The following MAPK3 variants were observed in gnomAD, a reference collection of about 807,000 sequenced individuals.
MAPK3 encodes mitogen-activated protein kinase 3.
Under a neutral mutation model 41.8 loss-of-function variants are expected in MAPK3, and 30 were observed. That is an observed-to-expected ratio of 0.72 (90% confidence interval 0.54 to 0.97). The LOEUF is 0.97. Ranked by LOEUF, MAPK3 falls within the 50% of genes least tolerant of loss-of-function variation. The probability of loss-of-function intolerance (pLI) is 0.00; values close to 1 mark genes in which losing one functional copy is unlikely to be tolerated. For missense variants in MAPK3, 413 were observed against 509.9 expected, an observed-to-expected ratio of 0.81 and a Z score of 1.83; for synonymous variants, 222 against 213.4, an observed-to-expected ratio of 1.04 and a Z score of -0.35.
chr16:30,121,801 C>T (rs763746741), intron 2 of MAPK3, 23 bp downstream of exon 2: 9 of 1,607,322 alleles, frequency 5.6e-6, no homozygotes, highest in East Asian at 4.5e-5. Context: ...CCTGACCAGC[C>T]GACTGGCCAA....
At chr16:30,121,077 A>C (rs1225140541) in intron 2 of MAPK3, among the ~76,000 whole-genome samples, 1 of 151,400 alleles carries the variant, frequency 6.6e-6, no homozygotes, top group Non-Finnish European at 1.5e-5. Context: ...ATAGTACCTG[A>C]CACACAGCAG....
intron 1 of MAPK3, 35 bp downstream of exon 1, chr16:30,123,005 C>A: frequency 6.9e-7 from 1 of 1,451,102 alleles, no homozygotes; most frequent in Non-Finnish European, 9.1e-7. Flanking sequence ...GCCCCCTCCC[C>A]TGAGGGCACC....
chr16:30,115,271 C>T (rs756015324), intron 8 of MAPK3, among the ~76,000 whole-genome samples: 1 of 152,148 alleles, frequency 6.6e-6, no homozygotes, highest in Non-Finnish European at 1.5e-5. Context: ...GAAACTGAGG[C>T]GCCGAGAGGT....
Position 30,121,912 on chromosome 16 carries a change from T to A in MAPK3, c.265A>T (p.Ile89Phe). The A allele has an allele frequency of 1.2e-6, 2 of 1,614,094 alleles. No homozygotes were observed. Among genetic ancestry groups the A allele is most frequent in the Non-Finnish European group, 1.7e-6 (2 of 1,180,024 alleles). Residue 89 changes from isoleucine (I) to phenylalanine (F), a missense_variant, in exon 2 of 9, where the codon ATC (isoleucine) becomes TTC (phenylalanine). Physicochemically the swap from Ile to Phe is conservative, Grantham distance 21 (BLOSUM62 0). Coordinates refer to ENST00000263025, the MANE Select transcript of MAPK3 (RefSeq NM_002746.3). ...QTYCQRTLRE[I>F]QILLRFRHEN... is the part of the protein sequence containing the mutation. ...TGGCGGAAGCGCAGCAGGATCTGGATCTCCCGGAGCGTGCGCTGGCAGTAG... is the reference window on the plus strand; with the variant it reads ...TGGCGGAAGCGCAGCAGGATCTGGAACTCCCGGAGCGTGCGCTGGCAGTAG...
At chr16:30,117,393 C>A (rs1172211323) in intron 5 of MAPK3, 108 bp from the exon 6 acceptor site, 12 of 1,087,628 alleles carry the variant, frequency 1.1e-5, no homozygotes, top group African/African-American at 1.6e-5. Context: ...CATGCCAATC[C>A]CTCAGTCACC....
chr16:30,118,132 T>C lies in MAPK3; in HGVS notation c.575A>G (p.Asp192Gly). Residue 192 changes from aspartate (D) to glycine (G), a missense_variant, in exon 4 of 9, where the codon GAT (aspartate) becomes GGT (glycine). Asp to Gly is a moderately conservative substitution (Grantham distance 94). This residue lies in a region of MAPK3 where 140 missense variants were observed against 206.0 expected (regional missense o/e 0.68). Coordinates refer to ENST00000263025, the MANE Select transcript of MAPK3 (RefSeq NM_002746.3). ...ICDFGLARIA[D>G]PEHDHTGFLT... ...GAAGCCGGTGTGGTCATGCTCAGGA[T>C]CGGCAATCCGGGCCAGGCCGAAATC... The C allele has an allele frequency of 6.2e-7, 1 of 1,614,096 alleles. No individual in the cohort carries two copies. Among genetic ancestry groups the C allele is most frequent in the Non-Finnish European group, 8.5e-7 (1 of 1,180,034 alleles).
Position 30,123,158 on chromosome 16 carries a change from C to T in MAPK3, c.52G>A (p.Glu18Lys). The part of the protein sequence containing the change: ...GGGGGEPRRT[E>K]GVGPGVPGEV... Reference sequence around the variant, plus strand: ...CCCGGGACCCCCGGGCCGACCCCCTCGGTTCTACGGGGCTCCCCGCCCCCG... The same window carrying T: ...CCCGGGACCCCCGGGCCGACCCCCTTGGTTCTACGGGGCTCCCCGCCCCCG... The change falls in exon 1 of 9, where the codon GAG (glutamate) becomes AAG (lysine). Residue 18 changes from glutamate (E) to lysine (K), a missense_variant. Glu to Lys is a moderately conservative substitution (Grantham distance 56). This residue lies in a region of MAPK3 where 145 missense variants were observed against 133.0 expected (regional missense o/e 1.09). Coordinates refer to ENST00000263025, the MANE Select transcript of MAPK3 (RefSeq NM_002746.3). The T allele has an allele frequency of 6.7e-7, 1 of 1,487,972 alleles. No homozygotes were observed. Among genetic ancestry groups the T allele is most frequent in the East Asian group, 2.8e-5 (1 of 36,326 alleles). The allele number at this position is 1,487,972 out of a possible 1,614,324, so 92.2% of individuals were successfully genotyped here.
chr16:30,122,945 G>A (rs1033144641), intron 1 of MAPK3, 95 bp downstream of exon 1: 348 of 1,130,066 alleles, frequency 3.1e-4, no homozygotes, highest in Non-Finnish European at 4.0e-4. Context: ...GACGCTCCGC[G>A]TCTCCACGTC....
rs760143841 is a variant in MAPK3, at chr16:30,117,985, GGT to G, written c.660+60_660+61del. ...CATGGGGGTCAGTGTCTGGCTCAGAGGTAGCTCCAGGGCTTCCTGGGAACTGG... is the reference window on the plus strand; with the variant it reads ...CATGGGGGTCAGTGTCTGGCTCAGAGAGCTCCAGGGCTTCCTGGGAACTGG... On this transcript the variant is annotated intron_variant, in intron 4 of 8. Coordinates refer to ENST00000263025, the MANE Select transcript of MAPK3 (RefSeq NM_002746.3). The G allele has an allele frequency of 7.5e-6, 11 of 1,457,296 alleles. No individual in the cohort carries two copies. In the African/African-American group the frequency reaches 1.5e-4, roughly 20 times the overall value. 90.3% of individuals were successfully genotyped at this position (1,457,296 alleles called of 1,614,324 possible).
At chr16:30,115,232 CA>C (rs934591605) in intron 8 of MAPK3, among the ~76,000 whole-genome samples, 2 of 150,592 alleles carry the variant, frequency 1.3e-5, no homozygotes, top group Non-Finnish European at 3.0e-5. Flanking sequence ...AAAACAAAAC[CA>C]AAAAAAAAGA....
intron 8 of MAPK3, among the ~76,000 whole-genome samples, chr16:30,115,048 G>A (rs2072941366): frequency 6.9e-6 from 1 of 145,948 alleles, no homozygotes; most frequent in Admixed American, 6.9e-5. Flanking sequence ...ACTGGCCTGG[G>A]CAACATAGCA....
chr16:30,122,158 C>T, intron 1 of MAPK3, 152 bp from the exon 2 acceptor site: 1 of 711,592 alleles, frequency 1.4e-6, no homozygotes, highest in South Asian at 1.7e-5. Context: ...GCTGTGGAGG[C>T]CTGGGATCTC....
intron 7 of MAPK3, 40 bp from the exon 8 acceptor site, chr16:30,116,830 G>A (rs771062512): frequency 3.1e-6 from 5 of 1,613,466 alleles, no homozygotes; most frequent in South Asian, 2.2e-5. Context: ...CCTGGCATGG[G>A]GGATGCCTAC....
intron 8 of MAPK3, chr16:30,115,772 T>C (rs1325248733): frequency 1.3e-5 from 2 of 151,924 alleles, no homozygotes; most frequent in Non-Finnish European, 2.9e-5. Flanking sequence ...TTTTTTTTTT[T>C]TGAGATGGAG....
intron 2 of MAPK3, among the ~76,000 whole-genome samples, chr16:30,120,682 C>CTTT (rs34799400): frequency 1.9e-4 from 22 of 113,162 alleles, no homozygotes; most frequent in Admixed American, 6.0e-4. Context: ...GCTTCCTCAT[C>CTTT]TTTTTTTTTT....
Position 30,118,367 on chromosome 16 carries a change from G to T in MAPK3, c.525C>A (p.Asn175Lys). 1 of 1,612,642 alleles carries T rather than the reference G, an allele frequency of 6.2e-7. No individual in the cohort carries two copies. Among genetic ancestry groups the T allele is most frequent in the Non-Finnish European group, 8.5e-7 (1 of 1,179,006 alleles). Residue 175 changes from asparagine to lysine, a missense_variant, in exon 3 of 9, where the codon AAC becomes AAA. By Grantham distance (94) the Asn-to-Lys change is moderately conservative. Around this residue, in one of 4 missense-constraint regions of MAPK3, gnomAD observed 140 missense variants for 206.0 expected, o/e 0.68. Transcript: ENST00000263025. ...CTCTGACCTTAAGGTCGCAGGTGGT[G>T]TTGATGAGCAGGTTGGAGGGCTTTA... ...RDLKPSNLLI[N>K]TTCDLKICDF...
rs1277805136 is a variant in MAPK3 at position 30,121,953 on chromosome 16, G to A, written c.224C>T (p.Pro75Leu). Residue 75 changes from proline (P) to leucine (L), a missense_variant, in exon 2 of 9, where the codon CCC becomes CTC. Transcript: ENST00000263025. ...CTGGCAGTAGGTCTGATGTTCGAAG[G>A]GGCTGATCTTCTTGATGGCCACGCG... Reference protein sequence around the residue: ...KTRVAIKKISPFEHQTYCQRT... With the variant: ...KTRVAIKKISLFEHQTYCQRT... 1.2e-6 allele frequency: 2 copies of A among 1,614,184 alleles called. No homozygotes were observed. The highest frequency in any genetic ancestry group is 1.7e-6 in the Non-Finnish European group (2 of 1,180,034).
At chr16:30,122,059 G>T (rs774055093) in intron 1 of MAPK3, 53 bp from the exon 2 acceptor site, 1 of 1,587,182 alleles carries the variant, frequency 6.3e-7, no homozygotes, top group Non-Finnish European at 8.6e-7. Context: ...GGGGAGTCCG[G>T]GCCTGGTGGC....
intron 5 of MAPK3, 122 bp downstream of exon 5, chr16:30,117,548 T>C (rs535928426): frequency 1.3e-5 from 11 of 820,776 alleles, no homozygotes; most frequent in East Asian, 4.9e-5. Flanking sequence ...CTATACCTCA[T>C]TGAGATACCA....
Sources: gnomAD v4.1 joint callset for allele counts (sites outside exome capture counted in the v4.1 genomes callset) on GRCh38, gnomAD v4.1.1 for gene constraint, gnomAD v4.1.1 regional missense constraint, MANE v1.5 for transcripts, NCBI Gene and HGNC (gene_info 2026-07-23, HGNC 2026-07-21) for gene names.